KANK1: variants seen among roughly 807,000 people sequenced by gnomAD.
The protein encoded by KANK1 is KN motif and ankyrin repeat domain-containing protein 1.
KANK1 carries 109 observed loss-of-function variants against 106.2 expected under a neutral mutation model. The observed-to-expected ratio is 1.03, with a 90% CI of 0.88 to 1.20. The LOEUF is 1.20. KANK1 is among the 50% of genes most tolerant of loss of function. KANK1 has a pLI of 0.00. For missense variants in KANK1, 2,399 were observed against 1,710.7 expected, an observed-to-expected ratio of 1.40 and a Z score of -7.10; for synonymous variants, 873 against 652.2, an observed-to-expected ratio of 1.34 and a Z score of -5.16.
intron 1 of KANK1, among the ~76,000 whole-genome samples, chr9:629,421 TTAA>T (rs1446368193): frequency 6.6e-6 from 1 of 152,188 alleles, no homozygotes; most frequent in African/African-American, 2.4e-5. Flanking sequence ...AAATACAATG[TTAA>T]TAAATATTTC....
intron 3 of KANK1, among the ~76,000 whole-genome samples, chr9:724,309 T>A (rs1830121258): frequency 6.6e-6 from 1 of 152,020 alleles, no homozygotes; most frequent in Non-Finnish European, 1.5e-5. Flanking sequence ...GCAGAGGGAG[T>A]TATCAGGGAA....
At chr9:693,015 T>C (rs1184841395) in intron 2 of KANK1, among the ~76,000 whole-genome samples, 1 of 152,100 alleles carries the variant, frequency 6.6e-6, no homozygotes, top group Non-Finnish European at 1.5e-5. Context: ...AAAGAACTTT[T>C]TTTTTTTTTA....
intron 1 of KANK1, among the ~76,000 whole-genome samples, chr9:664,429 T>C (rs1844095541): frequency 6.6e-6 from 1 of 152,178 alleles, no homozygotes; most frequent in Admixed American, 6.5e-5. Flanking sequence ...GATAATATTC[T>C]ATTGTGTATT....
At chr9:742,036 G>A (rs1362360725) in intron 9 of KANK1, among the ~76,000 whole-genome samples, 169 bp from the exon 10 acceptor site, 1 of 152,130 alleles carries the variant, frequency 6.6e-6, no homozygotes, top group African/African-American at 2.4e-5. Context: ...CATAGCTCAT[G>A]GGAAGCTGGT....
At chr9:609,893 ACT>A (rs1204650421) in intron 1 of KANK1, among the ~76,000 whole-genome samples, 1 of 151,958 alleles carries the variant, frequency 6.6e-6, no homozygotes, top group East Asian at 1.9e-4. Flanking sequence ...GAATTGTACC[ACT>A]CTCACATAGA....
intron 1 of KANK1, among the ~76,000 whole-genome samples, chr9:608,137 A>C: frequency 6.9e-6 from 1 of 145,180 alleles, no homozygotes; most frequent in Non-Finnish European, 1.5e-5. Flanking sequence ...TCCCGGGTTC[A>C]CGCCATTCTC....
chr9:625,133 C>G (rs542428984), intron 1 of KANK1, among the ~76,000 whole-genome samples: 2 of 152,184 alleles, frequency 1.3e-5, no homozygotes, highest in Non-Finnish European at 2.9e-5. Context: ...GCCCGCAGAT[C>G]TCTTATTTGG....
chr9:575,316 C>T (rs556357599), intron 1 of KANK1, among the ~76,000 whole-genome samples: 51 of 152,280 alleles, frequency 3.3e-4, no homozygotes, highest in African/African-American at 1.2e-3. Context: ...AGGTCAGTCA[C>T]GCAGTTGGTG....
At chr9:733,914 CG>C (rs1275671312) in intron 6 of KANK1, 1 of 152,026 alleles carries the variant, frequency 6.6e-6, no homozygotes, top group African/African-American at 2.4e-5. Flanking sequence ...CCCAAGAGTT[CG>C]AGACCAGCCT....
intron 1 of KANK1, among the ~76,000 whole-genome samples, chr9:553,573 A>G (rs1191049363): frequency 6.6e-6 from 1 of 152,194 alleles, no homozygotes; most frequent in Non-Finnish European, 1.5e-5. Flanking sequence ...GTCACCTCAA[A>G]TGCCAAGAAC....
intron 2 of KANK1, among the ~76,000 whole-genome samples, chr9:690,111 A>T (rs1819514145): frequency 7.6e-6 from 1 of 132,018 alleles, no homozygotes; most frequent in Non-Finnish European, 1.6e-5. Context: ...AACATGGTGA[A>T]ACCCCATCTC....
At position 743,868 on chromosome 9, in the gene KANK1, A is replaced by G. The variant is rs375176255; in HGVS notation, c.3898-623A>G. On this transcript the variant is annotated intron_variant, in intron 10 of 11. Coordinates refer to ENST00000382297, the MANE Select transcript of KANK1 (RefSeq NM_015158.5). ...CAAACCCTGTCTCAAAAAACACACTAGACAGAAGACAAGTTGTGTTGTTCT... is the reference window on the plus strand; with the variant it reads ...CAAACCCTGTCTCAAAAAACACACTGGACAGAAGACAAGTTGTGTTGTTCT... Among the ~76,000 whole-genome samples the G allele has an allele frequency of 1.3e-4, 20 of 152,330 alleles. No homozygotes were observed. The South Asian group carries it at 3.9e-3, about 30-fold the overall frequency.
At chr9:664,482 A>G (rs1172663609) in intron 1 of KANK1, among the ~76,000 whole-genome samples, 3 of 152,110 alleles carry the variant, frequency 2.0e-5, no homozygotes, top group African/African-American at 4.8e-5. Context: ...TATTTTGTAG[A>G]GACAGAGTCC....
chr9:674,325 T>C (rs1815918681), intron 1 of KANK1: 1 of 150,092 alleles, frequency 6.7e-6, no homozygotes, highest in Non-Finnish European at 1.5e-5. Context: ...GTGAACACAA[T>C]GCTAGTCAGT....
chr9:623,279 A>G (rs1307000576), intron 1 of KANK1, among the ~76,000 whole-genome samples: 2 of 152,208 alleles, frequency 1.3e-5, no homozygotes, highest in Admixed American at 6.5e-5. Context: ...AAGACACACA[A>G]ATAGCCAACA....
chr9:742,436 G>A (rs767769991), intron 10 of KANK1, 31 bp downstream of exon 10: 22 of 1,562,622 alleles, frequency 1.4e-5, no homozygotes, highest in Non-Finnish European at 1.7e-5. Context: ...CTCCTGGCCA[G>A]GGGTCTGGGG....
Position 740,787 on chromosome 9 carries a change from TACAGATG to T in KANK1, c.3554-4_3556del. ...TAAGAGACTTTTTTTTTTTTTTTTT[TACAGATG>T]TGTGTAATGTGGATCACCAGAACAA... is the stretch of plus-strand genomic sequence containing the variant. On this transcript the variant is annotated splice_acceptor_variant and splice_polypyrimidine_tract_variant and coding_sequence_variant and intron_variant, in exon 9 of 12. Transcript: ENST00000382297. LOFTEE classifies it high-confidence loss of function. The T allele has an allele frequency of 6.3e-7, 1 of 1,587,974 alleles. No individual in the cohort carries two copies. The highest frequency in any genetic ancestry group is 1.4e-5 in the African/African-American group (1 of 72,162).
intron 1 of KANK1, chr9:660,114 C>T (rs1379270523): frequency 2.3e-6 from 1 of 433,978 alleles, no homozygotes; most frequent in African/African-American, 2.1e-5. Flanking sequence ...GGCAGGAAGA[C>T]CCTTACTACT....
intron 1 of KANK1, among the ~76,000 whole-genome samples, chr9:629,038 CA>C (rs1835039283): frequency 6.7e-6 from 1 of 149,628 alleles, no homozygotes; most frequent in South Asian, 2.1e-4. Flanking sequence ...AAGATCATGC[CA>C]CCGCACTCCA....
Sources: allele counts gnomAD v4.1 joint callset (sites outside exome capture counted in the v4.1 genomes callset), GRCh38; gene constraint gnomAD v4.1.1; transcripts MANE v1.5; gene names NCBI Gene and HGNC (gene_info 2026-07-23, HGNC 2026-07-21).